Variants in SMURF1 observed in about 807,000 individuals in gnomAD.
SMURF1 encodes E3 ubiquitin-protein ligase SMURF1.
In SMURF1, 44 loss-of-function variants were observed where a neutral mutation model predicts 98.0. The ratio of observed to expected loss-of-function variants is 0.45; its 90% CI spans 0.35 to 0.58. The LOEUF (loss-of-function observed/expected upper bound fraction) is 0.58. Among genes scored for constraint, SMURF1 ranks in the 20% least tolerant of loss-of-function variants. SMURF1 has a pLI of 0.00. For synonymous variants in SMURF1, 396 were observed against 374.9 expected (o/e 1.06, Z -0.65); for missense variants, 687 against 938.4 (o/e 0.73, Z 3.50).
rs1024997229 is a variant in SMURF1 at position 99,029,432 on chromosome 7, G to A, written c.*1152C>T. ...ATGAAGACATCTGGGCAAGTGAACC[G>A]AGTAGCAATCGTTAGTGTCACCAGC... On this transcript the variant is annotated 3_prime_UTR_variant, in exon 18 of 18. Transcript: ENST00000361368. The A allele has an allele frequency of 1.3e-5, 2 of 152,204 alleles. No homozygotes were observed. The highest frequency in any genetic ancestry group is 6.5e-5 in the Admixed American group (1 of 15,280). The allele number at this position is 152,204 out of a possible 1,614,324, so 9.4% of individuals were successfully genotyped here.
chr7:99,143,922 A>C lies in SMURF1; in HGVS notation c.-142T>G. 1.6e-6 allele frequency: 1 copy of C among 619,072 alleles called. No homozygotes were observed. Among genetic ancestry groups the C allele is most frequent in the South Asian group, 3.4e-5 (1 of 29,340 alleles). 38.3% of individuals were successfully genotyped at this position (619,072 alleles called of 1,614,324 possible). A position where few individuals can be genotyped will look rare whatever the true frequency, so the allele number is the denominator to read the frequency against. On this transcript the variant is annotated 5_prime_UTR_variant, in exon 1 of 18. Coordinates refer to ENST00000361368, the MANE Select transcript of SMURF1 (RefSeq NM_181349.3). ...AGCCGGGACACAAACTCCGCGGCCCAGGCGTCCGGGCGGCAGGCGGATGGT... is the reference window on the plus strand; with the variant it reads ...AGCCGGGACACAAACTCCGCGGCCCCGGCGTCCGGGCGGCAGGCGGATGGT...
chr7:99,123,410 G>A (rs1453212840), intron 1 of SMURF1, among the ~76,000 whole-genome samples: 1 of 152,004 alleles, frequency 6.6e-6, no homozygotes, highest in African/African-American at 2.4e-5. Context: ...GTGCACACCT[G>A]TAGTCCCAGC....
chr7:99,132,347 G>A (rs1475918699), intron 1 of SMURF1, among the ~76,000 whole-genome samples: 3 of 152,092 alleles, frequency 2.0e-5, no homozygotes, highest in Admixed American at 1.3e-4. Context: ...AGGTATTTGT[G>A]AGCACCAGCA....
At chr7:99,108,896 A>C (rs1277803238) in intron 1 of SMURF1, among the ~76,000 whole-genome samples, 1 of 152,162 alleles carries the variant, frequency 6.6e-6, no homozygotes, top group Non-Finnish European at 1.5e-5. Context: ...GAGTTTTCCT[A>C]ATATGATATT....
intron 3 of SMURF1, among the ~76,000 whole-genome samples, chr7:99,060,079 A>G (rs1388341464): frequency 6.6e-6 from 1 of 151,846 alleles, no homozygotes; most frequent in Non-Finnish European, 1.5e-5. Context: ...ATAAAAATCT[A>G]TGAACATGCC....
chr7:99,049,879 C>A, intron 8 of SMURF1, 170 bp from the exon 9 acceptor site: 1 of 558,802 alleles, frequency 1.8e-6, no homozygotes, highest in Non-Finnish European at 3.0e-6. Context: ...CAGTCCAGGC[C>A]TCTCTGCTGC....
chr7:99,076,841 A>G (rs7794306), intron 1 of SMURF1, among the ~76,000 whole-genome samples: 2 of 62,426 alleles, frequency 3.2e-5, no homozygotes, highest in Non-Finnish European at 6.5e-5. Context: ...GCCCATGTGT[A>G]TGTGTGTGCA....
At chr7:99,056,846 T>C (rs1795886987) in intron 5 of SMURF1, among the ~76,000 whole-genome samples, 1 of 151,142 alleles carries the variant, frequency 6.6e-6, no homozygotes. Flanking sequence ...CTACTAAAAA[T>C]ACAAAAATTA....
chr7:99,085,353 C>CAAAAAAAAAAAAAA (rs992976220), intron 1 of SMURF1, among the ~76,000 whole-genome samples: 1 of 52,324 alleles, frequency 1.9e-5, no homozygotes, highest in Non-Finnish European at 3.8e-5. Flanking sequence ...AACTCCATCT[C>CAAAAAAAAAAAAAA]AAAAAAAAAA....
At chr7:99,142,110 G>A (rs968180626) in intron 1 of SMURF1, among the ~76,000 whole-genome samples, 1 of 151,846 alleles carries the variant, frequency 6.6e-6, no homozygotes. Flanking sequence ...TCTGGAGCCC[G>A]GGGGGAAACA....
chr7:99,043,571 A>C (rs568438643), intron 11 of SMURF1, among the ~76,000 whole-genome samples: 66 of 152,334 alleles, frequency 4.3e-4, no homozygotes, highest in African/African-American at 1.6e-3. Context: ...ACCAGACCAA[A>C]CCAGGGAGTC....
chr7:99,095,063 GTTTATTTTAT>G (rs10525660), intron 1 of SMURF1, among the ~76,000 whole-genome samples: 241 of 149,658 alleles, frequency 1.6e-3, no homozygotes, highest in African/African-American at 5.4e-3. Context: ...TGCTGTTTTT[GTTTATTTTAT>G]TTTATTTTAT....
chr7:99,098,979 G>C (rs1409419373), intron 1 of SMURF1, among the ~76,000 whole-genome samples: 1 of 152,164 alleles, frequency 6.6e-6, no homozygotes, highest in Admixed American at 6.5e-5. Context: ...GCGTTATGAA[G>C]ACACTGTGAT....
intron 1 of SMURF1, among the ~76,000 whole-genome samples, chr7:99,083,485 T>C (rs1796613424): frequency 6.6e-6 from 1 of 152,242 alleles, no homozygotes. Flanking sequence ...TGTTTGCTTT[T>C]GTAAATTATT....
At position 99,028,033 on chromosome 7, in the gene SMURF1, C is replaced by T. The variant is rs189907381; in HGVS notation, c.*2551G>A. ...AGCACTGGCGGAGTGGTGTTAGCTA[C>T]ATCCCTGAGTGTCGGCTGACGGCCG... On this transcript the variant is annotated 3_prime_UTR_variant, in exon 18 of 18. Transcript: ENST00000361368. 5.0e-4 allele frequency: 76 copies of T among 152,838 alleles called. No homozygotes were observed. Among genetic ancestry groups the T allele is most frequent in the Non-Finnish European group, 8.2e-4 (56 of 68,112 alleles). 9.5% of individuals were successfully genotyped at this position (152,838 alleles called of 1,614,324 possible).
chr7:99,039,335 G>A (rs1795281519), intron 13 of SMURF1, among the ~76,000 whole-genome samples: 1 of 151,778 alleles, frequency 6.6e-6, no homozygotes, highest in Non-Finnish European at 1.5e-5. Context: ...AGGCAGAGTG[G>A]AAGATTTTCT....
chr7:99,041,361 C>G (rs948790465), intron 12 of SMURF1, among the ~76,000 whole-genome samples: 4 of 152,100 alleles, frequency 2.6e-5, no homozygotes, highest in Non-Finnish European at 5.9e-5. Context: ...GAGATCATGC[C>G]ACTGCACTCC....
chr7:99,104,494 G>T (rs1202656939), intron 1 of SMURF1, among the ~76,000 whole-genome samples: 1 of 152,118 alleles, frequency 6.6e-6, no homozygotes, highest in Non-Finnish European at 1.5e-5. Flanking sequence ...TTGGGCAAGA[G>T]TCAAAATCTC....
chr7:99,030,271 G>A lies in SMURF1; in HGVS notation c.*313C>T, dbSNP rs1794828398. ...TCCCGTAAAGAGCTCAGGGCTGTGA[G>A]CCTTATCACCACATGGGTTGCAACA... On this transcript the variant is annotated 3_prime_UTR_variant, in exon 18 of 18. Transcript: ENST00000361368. 3.1e-6 allele frequency: 1 copy of A among 319,598 alleles called. No homozygotes were observed. The highest frequency in any genetic ancestry group is 3.7e-5 in the South Asian group (1 of 27,234). 19.8% of individuals were successfully genotyped at this position (319,598 alleles called of 1,614,324 possible).
Sources: allele counts gnomAD v4.1 joint callset (sites outside exome capture counted in the v4.1 genomes callset), GRCh38; gene constraint gnomAD v4.1.1; transcripts MANE v1.5; gene names NCBI Gene and HGNC (gene_info 2026-07-23, HGNC 2026-07-21).